Variants in OTOG observed in about 807,000 individuals in gnomAD.
The protein encoded by OTOG is otogelin.
OTOG carries 296 observed loss-of-function variants against 313.8 expected under a neutral mutation model. That is an observed-to-expected ratio of 0.94 (90% confidence interval 0.86 to 1.04). The LOEUF (loss-of-function observed/expected upper bound fraction) is 1.04. OTOG is among the 50% of genes least tolerant of loss of function. The pLI, the probability that OTOG is intolerant of heterozygous loss-of-function variation, is 0.00. For missense variants in OTOG, 3,948 were observed against 3,840.1 expected (o/e 1.03, Z -0.74); for synonymous variants, 1,533 against 1,554.9 (o/e 0.99, Z 0.33).
At position 17,553,359 on chromosome 11, in the gene OTOG, C is replaced by T; in HGVS notation, c.386-6C>T. Reference sequence around the variant, plus strand: ...ACACAGAGAGGTTCTCTTTTCTCTCCCTCAGTGTACAATGCCGGCCCTGAG... The same window carrying T: ...ACACAGAGAGGTTCTCTTTTCTCTCTCTCAGTGTACAATGCCGGCCCTGAG... On this transcript the variant is annotated splice_polypyrimidine_tract_variant and splice_region_variant and intron_variant, in intron 5 of 55. Transcript: ENST00000399397. The T allele has an allele frequency of 2.7e-6, 4 of 1,467,312 alleles. No homozygotes were observed. The highest frequency in any genetic ancestry group is 3.6e-6 in the Non-Finnish European group (4 of 1,105,954). The allele number at this position is 1,467,312 out of a possible 1,614,324, so 90.9% of individuals were successfully genotyped here. A position where few individuals can be genotyped will look rare whatever the true frequency, so the allele number is the denominator to read the frequency against.
chr11:17,558,752 C>T, intron 10 of OTOG, 108 bp downstream of exon 10: 1 of 1,184,202 alleles, frequency 8.4e-7, no homozygotes, highest in Non-Finnish European at 1.2e-6. Context: ...ATCTGCTTCC[C>T]AAGGCTCTGA....
chr11:17,605,733 C>A, intron 32 of OTOG, 124 bp from the exon 33 acceptor site: 1 of 1,083,402 alleles, frequency 9.2e-7, no homozygotes, highest in Middle Eastern at 2.4e-4. Context: ...GGGGGCAGGG[C>A]CTGCTGGTCT....
rs184364246 is a variant in OTOG, at chr11:17,594,158, G to A, written c.3400G>A (p.Ala1134Thr). The change falls in exon 28 of 56, where the codon GCA becomes ACA. Residue 1134 changes from alanine (A) to threonine (T), a missense_variant. Ala to Thr is a moderately conservative substitution (Grantham distance 58). Transcript: ENST00000399397. ...CCAGGAGTTTGGCAGCAGTTGGGCT[G>A]CAGTTGAGGTAAAGCCTCTCTTCCA... is the stretch of plus-strand genomic sequence containing the variant. ...NPQEFGSSWA[A>T]VECPDTLDPR... is the part of the protein sequence containing the mutation. 6.4e-6 allele frequency: 10 copies of A among 1,550,644 alleles called. No individual in the cohort carries two copies. In the African/African-American group the frequency reaches 9.6e-5, roughly 15 times the overall value.
intron 17 of OTOG, 63 bp downstream of exon 17, chr11:17,570,453 T>A (rs1852381589): frequency 6.8e-6 from 10 of 1,480,292 alleles, no homozygotes; most frequent in Non-Finnish European, 9.2e-6. Flanking sequence ...GCTGGGTATC[T>A]AGAGGCACTG....
At chr11:17,623,964 C>G (rs1029223642) in intron 39 of OTOG, among the ~76,000 whole-genome samples, 2 of 152,140 alleles carry the variant, frequency 1.3e-5, no homozygotes, top group Non-Finnish European at 2.9e-5. Flanking sequence ...AGTGTCTGTT[C>G]ATGTCCTTTG....
intron 38 of OTOG, among the ~76,000 whole-genome samples, chr11:17,613,215 C>CTTTT (rs1219779077): frequency 8.0e-6 from 1 of 125,476 alleles, no homozygotes; most frequent in Non-Finnish European, 1.6e-5. Flanking sequence ...TTCTTTCTTT[C>CTTTT]TTTCTTTCTT....
rs561520763 is a variant in OTOG, at chr11:17,608,308, C to T, written c.4169C>T (p.Ser1390Leu). Residue 1390 changes from serine (S) to leucine (L), a missense_variant, in exon 34 of 56, where the codon TCG (serine) becomes TTG (leucine). Ser to Leu is a moderately radical substitution (Grantham distance 145). Transcript: ENST00000399397. ...TLFRLLDAKP[S>L]GAAYPICEWR... The stretch of plus-strand genomic sequence containing the variant: ...TCTCACTTTCTAGATGCCAAGCCCT[C>T]GGGGGCTGCCTACCCCATCTGCGAG... The T allele has an allele frequency of 2.4e-5, 37 of 1,533,934 alleles. No homozygotes were observed. Among genetic ancestry groups the T allele is most frequent in the East Asian group, 2.3e-4 (9 of 39,836 alleles).
In OTOG at chr11:17,570,242, G is replaced by A. The variant is rs1444071992; in HGVS notation, c.1807G>A (p.Val603Met). 5.2e-6 allele frequency: 8 copies of A among 1,550,726 alleles called. No individual in the cohort carries two copies. The highest frequency in any genetic ancestry group is 1.7e-4 in the Middle Eastern group (1 of 6,018). ...DAFEIRRLSS[V>M]FLRVRTNVGV... ...CTTTGAGATCCGTAGGCTGTCCTCC[G>A]TGTTCCTGCGGGTGAGGACGAACGT... is the stretch of plus-strand genomic sequence containing the variant. Residue 603 changes from valine to methionine, a missense_variant, in exon 17 of 56, where the codon GTG becomes ATG. Transcript: ENST00000399397.
intron 39 of OTOG, among the ~76,000 whole-genome samples, chr11:17,622,305 A>G (rs760642554): frequency 1.3e-5 from 2 of 152,186 alleles, no homozygotes; most frequent in African/African-American, 2.4e-5. Context: ...CAGGCATTCA[A>G]TGTGTAATAA....
intron 28 of OTOG, among the ~76,000 whole-genome samples, chr11:17,595,612 T>C (rs1204967183): frequency 1.3e-5 from 2 of 152,206 alleles, no homozygotes; most frequent in African/African-American, 4.8e-5. Flanking sequence ...ACATGGTTGT[T>C]GATTACATTC....
chr11:17,624,335 C>T (rs1357024477), intron 39 of OTOG, among the ~76,000 whole-genome samples: 8 of 152,198 alleles, frequency 5.3e-5, no homozygotes, highest in South Asian at 2.1e-4. Flanking sequence ...TTGTATATGG[C>T]GTAAGGAAGG....
At chr11:17,557,581 G>C (rs1852083025) in intron 8 of OTOG, among the ~76,000 whole-genome samples, 1 of 152,166 alleles carries the variant, frequency 6.6e-6, no homozygotes, top group African/African-American at 2.4e-5. Flanking sequence ...GGATCTAATA[G>C]ACACTTTGCA....
chr11:17,599,833 C>A, intron 31 of OTOG, 136 bp downstream of exon 31: 1 of 1,038,708 alleles, frequency 9.6e-7, no homozygotes, highest in Non-Finnish European at 1.4e-6. Context: ...GGGCCCCCAT[C>A]ATGCAGAGAG....
In OTOG at chr11:17,645,566, AAGG is replaced by A. The variant is rs1430247496; in HGVS notation, c.8469_8471del (p.Glu2823del). The A allele has an allele frequency of 6.4e-7, 1 of 1,550,504 alleles. No homozygotes were observed. Among genetic ancestry groups the A allele is most frequent in the Non-Finnish European group, 8.7e-7 (1 of 1,146,946 alleles). Reference sequence around the variant, plus strand: ...GCCTCATCCCCCTGTCCCCCCAGGTAAGGAGGATGGGCGCTCCTGCAAGAAGGT... The same window carrying A: ...GCCTCATCCCCCTGTCCCCCCAGGTAAGGATGGGCGCTCCTGCAAGAAGGT... On this transcript the variant is annotated inframe_deletion, in exon 55 of 56. Coordinates refer to ENST00000399397, the MANE Select transcript of OTOG (RefSeq NM_001292063.2).
At position 17,588,419 on chromosome 11, in the gene OTOG, CCATGGTCGGCAG is replaced by C. The variant is rs560107710; in HGVS notation, c.2867+1858_2867+1869del. The stretch of plus-strand genomic sequence containing the variant: ...CTTCCCAGCTCTGTGTTCCGTGTCA[CCATGGTCGGCAG>C]CATGGTCGGCAGCATGGTCAGGCAC... On this transcript the variant is annotated intron_variant, in intron 24 of 55. Transcript: ENST00000399397. Among the ~76,000 whole-genome samples, 190 of 152,174 alleles carry C rather than the reference CCATGGTCGGCAG, an allele frequency of 1.2e-3. 1 individual carries two copies. Among genetic ancestry groups the C allele is most frequent in the African/African-American group, 4.0e-3 (165 of 41,498 alleles).
chr11:17,577,193 G>A (rs1371317722), intron 22 of OTOG, among the ~76,000 whole-genome samples: 1 of 152,204 alleles, frequency 6.6e-6, no homozygotes, highest in Non-Finnish European at 1.5e-5. Context: ...AACCACGTTG[G>A]GTGTCTGGGC....
intron 39 of OTOG, among the ~76,000 whole-genome samples, chr11:17,622,823 G>GAT (rs1159359186): frequency 6.6e-6 from 1 of 152,210 alleles, no homozygotes; most frequent in African/African-American, 2.4e-5. Context: ...TGGGAGTGCA[G>GAT]ATATCACTTC....
At chr11:17,606,743 G>T (rs1853400257) in intron 33 of OTOG, among the ~76,000 whole-genome samples, 1 of 152,186 alleles carries the variant, frequency 6.6e-6, no homozygotes, top group South Asian at 2.1e-4. Flanking sequence ...GGGCTTGGGG[G>T]TACCTGTGTC....
intron 23 of OTOG, among the ~76,000 whole-genome samples, chr11:17,582,264 T>C (rs1852687563): frequency 6.6e-6 from 1 of 152,218 alleles, no homozygotes; most frequent in Non-Finnish European, 1.5e-5. Context: ...ATAGTAGTTA[T>C]TCCTGTTCTA....
Sources: allele counts gnomAD v4.1 joint callset (sites outside exome capture counted in the v4.1 genomes callset), GRCh38; gene constraint gnomAD v4.1.1; transcripts MANE v1.5; gene names NCBI Gene and HGNC (gene_info 2026-07-23, HGNC 2026-07-21).